Variants in AMZ2 observed in about 807,000 individuals in gnomAD.
AMZ2 encodes the protein archaelysin family metallopeptidase 2.
AMZ2 carries 26 observed loss-of-function variants against 36.7 expected under a neutral mutation model. The ratio of observed to expected loss-of-function variants is 0.71; its 90% CI spans 0.52 to 0.98. The LOEUF is 0.98. Ranked by LOEUF, AMZ2 falls within the 50% of genes least tolerant of loss-of-function variation. The pLI is 0.00. For synonymous variants in AMZ2, 144 were observed against 149.1 expected, an observed-to-expected ratio of 0.97 and a Z score of 0.25; for missense variants, 394 against 430.5, an observed-to-expected ratio of 0.92 and a Z score of 0.75.
At chr17:68,236,074 C>T (rs1555732468) in intron 1 of AMZ2, among the ~76,000 whole-genome samples, 4 of 152,018 alleles carry the variant, frequency 2.6e-5, no homozygotes, top group Non-Finnish European at 5.9e-5. Flanking sequence ...AGGTGATCCA[C>T]CCGCCTCGGC....
chr17:68,209,681 A>G (rs1470784636), intron 1 of AMZ2, among the ~76,000 whole-genome samples: 2 of 135,980 alleles, frequency 1.5e-5, no homozygotes, highest in Non-Finnish European at 3.1e-5. Flanking sequence ...GAGTGCAGTG[A>G]CGTGATTCTG....
At chr17:68,238,049 G>A (rs1488093941) in intron 1 of AMZ2, among the ~76,000 whole-genome samples, 15 of 152,056 alleles carry the variant, frequency 9.9e-5, no homozygotes, top group South Asian at 2.1e-4. Context: ...TGAAAAAGGC[G>A]AAATTGAAAG....
chr17:68,253,290 G>A (rs1388347051), intron 4 of AMZ2, among the ~76,000 whole-genome samples: 2 of 152,198 alleles, frequency 1.3e-5, no homozygotes, highest in Non-Finnish European at 1.5e-5. Context: ...AGGTGAGGAA[G>A]TTTGTTTTTG....
intron 1 of AMZ2, among the ~76,000 whole-genome samples, chr17:68,214,653 A>G (rs188668706): frequency 3.7e-4 from 56 of 152,224 alleles, no homozygotes; most frequent in Middle Eastern, 3.4e-3. Flanking sequence ...TGTGTTCTCA[A>G]CTTCACCTTC....
chr17:68,210,624 A>G (rs545994757), intron 1 of AMZ2, among the ~76,000 whole-genome samples: 32 of 152,296 alleles, frequency 2.1e-4, no homozygotes, highest in African/African-American at 6.7e-4. Flanking sequence ...ATGTGAATAT[A>G]CTTAACTCTA....
chr17:68,245,472 C>T (rs2073983170), upstream of AMZ2, among the ~76,000 whole-genome samples: 1 of 151,224 alleles, frequency 6.6e-6, no homozygotes, highest in African/African-American at 2.4e-5. Context: ...GTCTGGAAGT[C>T]CTAGGCTCAA....
At chr17:68,224,506 C>T (rs1555729364) in intron 1 of AMZ2, among the ~76,000 whole-genome samples, 1 of 151,194 alleles carries the variant, frequency 6.6e-6, no homozygotes, top group Non-Finnish European at 1.5e-5. Flanking sequence ...GCAGAAACTG[C>T]TGCAGTGCCA....
chr17:68,249,218 G>A (rs1176760115), intron 1 of AMZ2: 5 of 521,000 alleles, frequency 9.6e-6, no homozygotes, highest in Non-Finnish European at 1.4e-5. Context: ...GAAATGATAG[G>A]GCTTACATTA....
At chr17:68,221,538 G>A (rs1297534579) in intron 1 of AMZ2, among the ~76,000 whole-genome samples, 1 of 151,274 alleles carries the variant, frequency 6.6e-6, no homozygotes, top group Non-Finnish European at 1.5e-5. Context: ...GACCATCCTG[G>A]CTAACAGTGA....
intron 1 of AMZ2, among the ~76,000 whole-genome samples, chr17:68,215,790 C>G (rs1221817016): frequency 1.3e-5 from 2 of 149,792 alleles, no homozygotes; most frequent in Non-Finnish European, 3.0e-5. Context: ...ATTCCTGTGC[C>G]TTCCTTTCTG....
At chr17:68,213,021 C>A (rs1399135925) in intron 1 of AMZ2, among the ~76,000 whole-genome samples, 1 of 152,194 alleles carries the variant, frequency 6.6e-6, no homozygotes, top group Non-Finnish European at 1.5e-5. Flanking sequence ...AATGATCTAA[C>A]AAGCTTTATT....
At chr17:68,227,124 T>C (rs1423719398) in intron 1 of AMZ2, among the ~76,000 whole-genome samples, 1 of 152,048 alleles carries the variant, frequency 6.6e-6, no homozygotes, top group Non-Finnish European at 1.5e-5. Flanking sequence ...TGTTCATAGC[T>C]GGGGACAGAG....
At chr17:68,231,042 T>A (rs1393091010) in intron 1 of AMZ2, among the ~76,000 whole-genome samples, 1 of 151,870 alleles carries the variant, frequency 6.6e-6, no homozygotes, top group Non-Finnish European at 1.5e-5. Context: ...TTAATTTTAT[T>A]ATTTTTTTAT....
At chr17:68,251,607 C>T (rs1237145058) in intron 4 of AMZ2, among the ~76,000 whole-genome samples, 1 of 151,946 alleles carries the variant, frequency 6.6e-6, no homozygotes, top group South Asian at 2.1e-4. Flanking sequence ...GTTGAGGCTG[C>T]AGTGAGCCAT....
At chr17:68,212,788 A>C (rs1348033443) in intron 1 of AMZ2, among the ~76,000 whole-genome samples, 2 of 151,920 alleles carry the variant, frequency 1.3e-5, no homozygotes, top group Non-Finnish European at 2.9e-5. Context: ...CATGTTGCCT[A>C]AACTCCTGGG....
At chr17:68,238,611 T>A (rs1599364748) in intron 1 of AMZ2, among the ~76,000 whole-genome samples, 1 of 131,430 alleles carries the variant, frequency 7.6e-6, no homozygotes, top group African/African-American at 3.3e-5. Flanking sequence ...ACAATCAGAT[T>A]GTGGTAGCTT....
At chr17:68,206,967 A>G (rs561149463) in intron 1 of AMZ2, 9 of 152,440 alleles carry the variant, frequency 5.9e-5, no homozygotes, top group Non-Finnish European at 1.2e-4. Context: ...TCGATTCAAA[A>G]TTGTTTTTGG....
Position 68,256,818 on chromosome 17 carries a change from TGGTGA to T in AMZ2, c.937_941del (p.Arg313AspfsTer2), listed in dbSNP as rs374606347. On this transcript the variant is annotated frameshift_variant, in exon 7 of 7. Transcript: ENST00000359904. LOFTEE classifies it low-confidence loss of function (END_TRUNC). The stretch of plus-strand genomic sequence containing the variant: ...GCATCTTTCATGTTTTTCCAGGCAC[TGGTGA>T]GGTGGATTGATGATGAATCTTCTGA... The T allele has an allele frequency of 4.8e-3, 7,658 of 1,611,386 alleles. 36 individuals carry two copies. Among genetic ancestry groups the T allele is most frequent in the Non-Finnish European group, 5.4e-3 (6,344 of 1,179,044 alleles).
At chr17:68,243,888 G>C (rs1238806177), upstream of AMZ2, among the ~76,000 whole-genome samples, 2 of 152,188 alleles carry the variant, frequency 1.3e-5, no homozygotes, top group Non-Finnish European at 2.9e-5. Context: ...CTACAGTGAA[G>C]GGCAGAATTG....
Sources: gnomAD v4.1 joint callset for allele counts (sites outside exome capture counted in the v4.1 genomes callset) on GRCh38, gnomAD v4.1.1 for gene constraint, MANE v1.5 for transcripts, NCBI Gene and HGNC (gene_info 2026-07-23, HGNC 2026-07-21) for gene names.